The following FHIT variants were observed in gnomAD, a reference collection of about 807,000 sequenced individuals.
FHIT encodes fragile histidine triad diadenosine triphosphatase.
Under a neutral mutation model 17.9 loss-of-function variants are expected in FHIT, and 19 were observed. The observed-to-expected ratio is 1.06, with a 90% confidence interval of 0.74 to 1.56. The LOEUF (loss-of-function observed/expected upper bound fraction) is 1.56, where lower values mean the gene tolerates loss of function less well. Among genes scored for constraint, FHIT ranks in the 40% most tolerant of loss-of-function variants. The pLI is 0.00. For missense variants in FHIT, 248 were observed against 189.2 expected, an observed-to-expected ratio of 1.31 and a Z score of -1.82; for synonymous variants, 81 against 69.7, an observed-to-expected ratio of 1.16 and a Z score of -0.81.
At chr3:60,277,373 T>C (rs1335471895) in intron 5 of FHIT, among the ~76,000 whole-genome samples, 2 of 152,102 alleles carry the variant, frequency 1.3e-5, no homozygotes, top group Non-Finnish European at 2.9e-5. Flanking sequence ...GCCTGTAAAA[T>C]CAAGCTGCAG....
intron 7 of FHIT, among the ~76,000 whole-genome samples, chr3:59,922,731 C>A (rs1459784454): frequency 6.6e-6 from 1 of 152,064 alleles, no homozygotes. Flanking sequence ...AGTGCATCTT[C>A]AAAGGTGACC....
chr3:60,886,383 A>G (rs1705223517), intron 3 of FHIT, among the ~76,000 whole-genome samples: 1 of 152,236 alleles, frequency 6.6e-6, no homozygotes, highest in Non-Finnish European at 1.5e-5. Flanking sequence ...TTTGCCTGCA[A>G]TCTTCTTGGC....
intron 4 of FHIT, among the ~76,000 whole-genome samples, chr3:60,701,120 A>AC (rs2041235030): frequency 7.3e-6 from 1 of 137,828 alleles, no homozygotes; most frequent in Non-Finnish European, 1.6e-5. Context: ...AACTGAAAAG[A>AC]CCCTTTTTTT....
At chr3:59,897,067 C>T (rs1704104679) in intron 8 of FHIT, among the ~76,000 whole-genome samples, 2 of 152,076 alleles carry the variant, frequency 1.3e-5, no homozygotes, top group Admixed American at 6.5e-5. Context: ...AACTGCAGTT[C>T]TTATCACTCC....
Position 61,021,338 on chromosome 3 carries a change from G to C in FHIT, c.-111+20709C>G, listed in dbSNP as rs368983925. ...AATCAGGCCGGGCGCGGTGGCTCAC[G>C]CCTGTAATCCCAGCACTTTGGGAGG... On this transcript the variant is annotated intron_variant, in intron 3 of 9. Transcript: ENST00000492590. Among the ~76,000 whole-genome samples, 978 of 152,068 alleles carry C rather than the reference G, an allele frequency of 6.4e-3. 13 individuals carry two copies. Among genetic ancestry groups the C allele is most frequent in the Middle Eastern group, 0.037 (11 of 294 alleles).
intron 7 of FHIT, among the ~76,000 whole-genome samples, chr3:60,000,325 C>T (rs1699679674): frequency 6.6e-6 from 1 of 152,212 alleles, no homozygotes; most frequent in African/African-American, 2.4e-5. Flanking sequence ...TTTGGCCCAC[C>T]ATCTGCTTTT....
chr3:60,212,176 C>A (rs1703482312), intron 5 of FHIT, among the ~76,000 whole-genome samples: 1 of 152,104 alleles, frequency 6.6e-6, no homozygotes, highest in Admixed American at 6.5e-5. Flanking sequence ...CTAGCTTTCA[C>A]TCATCAATAT....
At chr3:60,213,423 CTTCCTGGAACAATCGCTGGGGCATA>C (rs1479826911) in intron 5 of FHIT, among the ~76,000 whole-genome samples, 1 of 152,234 alleles carries the variant, frequency 6.6e-6, no homozygotes, top group Admixed American at 6.5e-5. Context: ...GATGCTTCAG[CTTCCTGGAACAATCGCTGGGGCATA>C]TTCCTGTGAT....
intron 2 of FHIT, among the ~76,000 whole-genome samples, chr3:61,189,609 C>T (rs1472817615): frequency 4.6e-5 from 7 of 152,104 alleles, no homozygotes; most frequent in South Asian, 2.1e-4. Flanking sequence ...GAACCAAAAA[C>T]GACCCCGCAT....
At chr3:60,856,851 A>G (rs555724652) in intron 3 of FHIT, among the ~76,000 whole-genome samples, 1 of 152,158 alleles carries the variant, frequency 6.6e-6, no homozygotes, top group East Asian at 1.9e-4. Context: ...AAAACCATGT[A>G]ACATCCTGGA....
At chr3:60,245,725 A>G (rs931634835) in intron 5 of FHIT, among the ~76,000 whole-genome samples, 1 of 152,120 alleles carries the variant, frequency 6.6e-6, no homozygotes, top group Admixed American at 6.6e-5. Flanking sequence ...GCAAAACTTT[A>G]TGTACAAAAA....
intron 5 of FHIT, among the ~76,000 whole-genome samples, chr3:60,019,444 G>T (rs1469924125): frequency 2.7e-5 from 3 of 112,820 alleles, no homozygotes; most frequent in East Asian, 3.0e-4. Context: ...CTGAGATGGA[G>T]TTTCGCTCTC....
At chr3:61,121,444 T>C (rs756366346) in intron 2 of FHIT, among the ~76,000 whole-genome samples, 6 of 151,992 alleles carry the variant, frequency 3.9e-5, no homozygotes, top group East Asian at 1.9e-4. Context: ...ACATTTAACA[T>C]TCTTAAAGAA....
At chr3:60,334,342 C>T (rs1443540428) in intron 5 of FHIT, among the ~76,000 whole-genome samples, 4 of 152,164 alleles carry the variant, frequency 2.6e-5, no homozygotes, top group Non-Finnish European at 5.9e-5. Context: ...GGAAATGAGG[C>T]TCAGACCAAT....
chr3:60,328,077 C>T (rs1170789873), intron 5 of FHIT, among the ~76,000 whole-genome samples: 1 of 152,190 alleles, frequency 6.6e-6, no homozygotes, highest in East Asian at 1.9e-4. Flanking sequence ...CTTCCTTCTG[C>T]TCCAGTCCTC....
intron 5 of FHIT, among the ~76,000 whole-genome samples, chr3:60,019,750 C>T (rs2106727187): frequency 6.6e-6 from 1 of 152,212 alleles, no homozygotes; most frequent in Non-Finnish European, 1.5e-5. Context: ...TACTCCAATA[C>T]CTTCACTGTC....
intron 5 of FHIT, among the ~76,000 whole-genome samples, chr3:60,057,621 T>C (rs1050184598): frequency 6.6e-6 from 1 of 151,978 alleles, no homozygotes; most frequent in Non-Finnish European, 1.5e-5. Flanking sequence ...TTGACCTTTG[T>C]GGTCTTAATG....
At chr3:61,078,017 G>A (rs1157310702) in intron 2 of FHIT, among the ~76,000 whole-genome samples, 1 of 152,088 alleles carries the variant, frequency 6.6e-6, no homozygotes, top group African/African-American at 2.4e-5. Flanking sequence ...TCTTTAAGTA[G>A]GCACTTTGCT....
At chr3:61,120,868 T>A (rs1197214970) in intron 2 of FHIT, among the ~76,000 whole-genome samples, 1 of 151,984 alleles carries the variant, frequency 6.6e-6, no homozygotes, top group Non-Finnish European at 1.5e-5. Context: ...GAGGAATTGC[T>A]AACTAGAATA....
Sources: allele counts gnomAD v4.1 joint callset (sites outside exome capture counted in the v4.1 genomes callset), GRCh38; gene constraint gnomAD v4.1.1; transcripts MANE v1.5; gene names NCBI Gene and HGNC (gene_info 2026-07-23, HGNC 2026-07-21).